Variants in TNIK observed in about 807,000 individuals in gnomAD.
TNIK encodes the protein TRAF2 and NCK-interacting protein kinase.
Under a neutral mutation model 191.3 loss-of-function variants are expected in TNIK, and 49 were observed. The observed-to-expected ratio is 0.26, with a 90% CI of 0.20 to 0.32. The LOEUF is 0.32. TNIK is among the 10% of genes least tolerant of loss of function. The probability of loss-of-function intolerance (pLI) is 1.00; values close to 1 mark genes in which losing one functional copy is unlikely to be tolerated. For missense variants in TNIK, 1,155 were observed against 1,702.3 expected (o/e 0.68, Z 5.66); for synonymous variants, 594 against 600.9 (o/e 0.99, Z 0.17).
At chr3:171,230,747 CTCTG>C (rs1389810026) in intron 2 of TNIK, among the ~76,000 whole-genome samples, 13 of 152,266 alleles carry the variant, frequency 8.5e-5, no homozygotes, top group African/African-American at 2.2e-4. Context: ...TCCTCGTCAC[CTCTG>C]TCTATCAATG....
intron 3 of TNIK, among the ~76,000 whole-genome samples, chr3:171,227,032 G>A (rs1743045591): frequency 2.6e-5 from 4 of 151,904 alleles, no homozygotes; most frequent in African/African-American, 9.7e-5. Flanking sequence ...CAACTTCTGG[G>A]CTGAATGGAA....
intron 2 of TNIK, among the ~76,000 whole-genome samples, chr3:171,298,125 C>T (rs1752508071): frequency 6.6e-6 from 1 of 152,126 alleles, no homozygotes; most frequent in African/African-American, 2.4e-5. Context: ...ACAAAATGAT[C>T]CTTTGAGTCC....
rs16855741 is a variant in TNIK, at chr3:171,067,795, C to T, written c.3699+1053G>A. 5.5e-3 allele frequency among the ~76,000 whole-genome samples: 832 copies of T among 152,002 alleles called. 11 individuals carry two copies. The highest frequency in any genetic ancestry group is 0.019 in the African/African-American group (786 of 41,466). On this transcript the variant is annotated intron_variant, in intron 30 of 32. Coordinates refer to ENST00000436636, the MANE Select transcript of TNIK (RefSeq NM_015028.4). ...CCATGGCAGCCCAACATGTGCTTGA[C>T]AGATTGGACTAAGAGAGTTGAGGAT...
rs1199945050 is a variant in TNIK at position 171,177,398 on chromosome 3, G to C, written c.640-18C>G. 3 of 1,599,764 alleles carry C rather than the reference G, an allele frequency of 1.9e-6. No individual in the cohort carries two copies. Among genetic ancestry groups the C allele is most frequent in the Non-Finnish European group, 1.7e-6 (2 of 1,172,842 alleles). ...AAGTCACTCTGAAAAAGAAGGGGCA[G>C]ACACACACATAAATTCAGTCAACAA... On this transcript the variant is annotated intron_variant, in intron 7 of 32. Coordinates refer to ENST00000436636, the MANE Select transcript of TNIK (RefSeq NM_015028.4).
Position 171,327,900 on chromosome 3 carries a change from T to TAAAAAAAAAAAAAAAAAA in TNIK, c.123+41702_123+41719dup, listed in dbSNP as rs71634497. 5.1e-4 allele frequency among the ~76,000 whole-genome samples: 41 copies of TAAAAAAAAAAAAAAAAAA among 79,628 alleles called. 2 individuals are homozygous for TAAAAAAAAAAAAAAAAAA. The highest frequency in any genetic ancestry group is 8.7e-4 in the South Asian group (2 of 2,308). 52.2% of individuals were successfully genotyped at this position (79,628 alleles called of 152,430 possible). A position where few individuals can be genotyped will look rare whatever the true frequency, so the allele number is the denominator to read the frequency against. On this transcript the variant is annotated intron_variant, in intron 2 of 32. Transcript: ENST00000436636. ...ATCTGTGGCTCCCAAACCTGGCTCATAAAAAAAAAAAAAAAAAAAAAAAAA... is the reference window on the plus strand; with the variant it reads ...ATCTGTGGCTCCCAAACCTGGCTCATAAAAAAAAAAAAAAAAAAAAAAAAAAAAAAAAAAAAAAAAAAA...
chr3:171,109,756 A>G (rs1417205595), intron 19 of TNIK, among the ~76,000 whole-genome samples: 1 of 152,246 alleles, frequency 6.6e-6, no homozygotes, highest in African/African-American at 2.4e-5. Context: ...TTAACTAGCT[A>G]GAAACAATGT....
At chr3:171,099,865 A>G (rs532975152) in intron 22 of TNIK, among the ~76,000 whole-genome samples, 2 of 152,302 alleles carry the variant, frequency 1.3e-5, no homozygotes, top group South Asian at 2.1e-4. Context: ...GCCTTGCAAA[A>G]TATGATAGGG....
intron 1 of TNIK, among the ~76,000 whole-genome samples, chr3:171,395,079 C>T (rs1245410068): frequency 6.6e-6 from 1 of 152,028 alleles, no homozygotes; most frequent in Non-Finnish European, 1.5e-5. Flanking sequence ...AAAGAAAAAA[C>T]GATTGAGATT....
intron 2 of TNIK, among the ~76,000 whole-genome samples, chr3:171,264,574 G>A (rs998124453): frequency 6.6e-6 from 1 of 152,078 alleles, no homozygotes; most frequent in Non-Finnish European, 1.5e-5. Flanking sequence ...AGGCTGGTCA[G>A]TACTTGGGAG....
intron 2 of TNIK, among the ~76,000 whole-genome samples, chr3:171,324,857 G>A (rs2108346405): frequency 6.6e-6 from 1 of 152,240 alleles, no homozygotes; most frequent in East Asian, 1.9e-4. Context: ...CCAGCACTTT[G>A]AGAGGCCAAG....
chr3:171,314,762 T>C (rs899012135), intron 2 of TNIK, among the ~76,000 whole-genome samples: 6 of 152,020 alleles, frequency 3.9e-5, no homozygotes, highest in Non-Finnish European at 8.8e-5. Flanking sequence ...TTATGAGGCT[T>C]GAGGGGATCA....
intron 14 of TNIK, among the ~76,000 whole-genome samples, chr3:171,138,620 C>G (rs970613235): frequency 3.3e-5 from 5 of 152,070 alleles, no homozygotes; most frequent in Non-Finnish European, 5.9e-5. Flanking sequence ...ATGGCAATCC[C>G]TACCGAACCC....
intron 12 of TNIK, among the ~76,000 whole-genome samples, chr3:171,152,785 T>A (rs934655124): frequency 4.6e-5 from 7 of 151,392 alleles, no homozygotes; most frequent in Non-Finnish European, 1.0e-4. Flanking sequence ...TGTTTTTTTT[T>A]TTTTGAGACG....
intron 14 of TNIK, 101 bp from the exon 15 acceptor site, chr3:171,138,480 AAATAACAAAGGATCTT>A: frequency 8.9e-7 from 1 of 1,125,632 alleles, no homozygotes; most frequent in Non-Finnish European, 1.2e-6. Context: ...AAATAATGCT[AAATAACAAAGGATCTT>A]AATACCAACA....
intron 2 of TNIK, among the ~76,000 whole-genome samples, chr3:171,229,222 G>A (rs1302241279): frequency 2.6e-5 from 4 of 152,224 alleles, no homozygotes; most frequent in African/African-American, 7.2e-5. Flanking sequence ...CAGATTAGCT[G>A]TCAGCAGATG....
At chr3:171,386,018 G>A (rs902956) in intron 1 of TNIK, among the ~76,000 whole-genome samples, 107,442 of 152,134 alleles carry the variant, frequency 0.71, 39,749 homozygotes, top group African/African-American at 0.92. Flanking sequence ...GTTTACATCC[G>A]TATTCCCCAC....
At chr3:171,425,976 C>A (rs1389908541) in intron 1 of TNIK, among the ~76,000 whole-genome samples, 1 of 152,126 alleles carries the variant, frequency 6.6e-6, no homozygotes, top group East Asian at 1.9e-4. Flanking sequence ...ACTAGTTCAA[C>A]CATTGTGGAC....
intron 1 of TNIK, among the ~76,000 whole-genome samples, chr3:171,432,146 A>G (rs1179953019): frequency 2.0e-5 from 3 of 152,230 alleles, no homozygotes; most frequent in African/African-American, 7.2e-5. Flanking sequence ...ACAAATGAAA[A>G]GAAAGAATAC....
chr3:171,325,106 A>C (rs1170033643), intron 2 of TNIK, among the ~76,000 whole-genome samples: 3 of 151,960 alleles, frequency 2.0e-5, no homozygotes, highest in Admixed American at 1.3e-4. Flanking sequence ...CTCAAAATAA[A>C]TAAATAAATA....
Sources: allele counts gnomAD v4.1 joint callset (sites outside exome capture counted in the v4.1 genomes callset), GRCh38; gene constraint gnomAD v4.1.1; transcripts MANE v1.5; gene names NCBI Gene and HGNC (gene_info 2026-07-23, HGNC 2026-07-21).